The following CRTAC1 variants were observed in gnomAD, a reference collection of about 807,000 sequenced individuals.
The protein encoded by CRTAC1 is cartilage acidic protein 1, also known as acidic secreted protein in cartilage.
In CRTAC1, 37 loss-of-function variants were observed where a neutral mutation model predicts 67.8. That is an observed-to-expected ratio of 0.55 (90% CI 0.42 to 0.72). The LOEUF is 0.72. Among genes scored for constraint, CRTAC1 ranks in the 30% least tolerant of loss-of-function variants. The pLI is 0.00. For synonymous variants in CRTAC1, 348 were observed against 371.0 expected, an observed-to-expected ratio of 0.94 and a Z score of 0.71; for missense variants, 780 against 931.6, an observed-to-expected ratio of 0.84 and a Z score of 2.12.
chr10:97,865,479 G>A lies in CRTAC1; in HGVS notation c.*69C>T. ...AGGCCTTTACATCCCTACTGTCTAG[G>A]CAGCAGCACAAGCCCACTTTCCCAC... On this transcript the variant is annotated 3_prime_UTR_variant, in exon 15 of 15. Coordinates refer to ENST00000370597, the MANE Select transcript of CRTAC1 (RefSeq NM_018058.7). 6.5e-7 allele frequency: 1 copy of A among 1,542,098 alleles called. No individual in the cohort carries two copies. Among genetic ancestry groups the A allele is most frequent in the Non-Finnish European group, 8.8e-7 (1 of 1,136,502 alleles).
rs1461436815 is a variant in CRTAC1 at position 97,885,101 on chromosome 10, G to T, written c.1487-750C>A. Among the ~76,000 whole-genome samples the T allele has an allele frequency of 2.6e-5, 4 of 152,290 alleles. No individual in the cohort carries two copies. In the East Asian group the frequency reaches 7.7e-4, roughly 29 times the overall value. ...TAATGCCAGATATTGACAAAAGTAG[G>T]GCAAGTAGGTAAGGAGGAGCTGGGG... On this transcript the variant is annotated intron_variant, in intron 11 of 14. Transcript: ENST00000370597.
chr10:97,882,820 T>C lies in CRTAC1; in HGVS notation c.1641A>G (p.Gln547=), dbSNP rs925979558. The C allele has an allele frequency of 1.2e-6, 2 of 1,614,234 alleles. No homozygotes were observed. Among genetic ancestry groups the C allele is most frequent in the African/African-American group, 2.7e-5 (2 of 75,070 alleles). The part of the protein sequence containing the change: ...LQDPAPLECG[Q]GFSQQENGHC... ...GGCCATTTTCCTGCTGGGAGAATCCTTGGCCACACTGTAAGGTGGGCAGAA... is the reference window on the plus strand; with the variant it reads ...GGCCATTTTCCTGCTGGGAGAATCCCTGGCCACACTGTAAGGTGGGCAGAA... Residue 547 remains glutamine (Q), a synonymous_variant, in exon 13 of 15, where the codon CAA becomes CAG. Transcript: ENST00000370597.
In CRTAC1 at chr10:97,919,671, C is replaced by T. The variant is rs186654189; in HGVS notation, c.559-2015G>A. Among the ~76,000 whole-genome samples the T allele has an allele frequency of 3.6e-4, 55 of 152,248 alleles. 1 individual carries two copies. The East Asian group carries it at 0.01, about 28-fold the overall frequency. ...TTGAAATATAGACCCTCAGCAACCA[C>T]CCCCTAAGACCTGCTGAATCAGAAT... On this transcript the variant is annotated intron_variant, in intron 4 of 14. Coordinates refer to ENST00000370597, the MANE Select transcript of CRTAC1 (RefSeq NM_018058.7).
intron 2 of CRTAC1, among the ~76,000 whole-genome samples, chr10:97,984,252 C>T (rs1421030598): frequency 6.6e-6 from 1 of 152,220 alleles, no homozygotes; most frequent in Non-Finnish European, 1.5e-5. Context: ...TGGAGTGTGA[C>T]TTCTAGATAA....
Position 97,981,695 on chromosome 10 carries a change from G to C in CRTAC1, c.224+29443C>G, listed in dbSNP as rs547157600. On this transcript the variant is annotated intron_variant, in intron 2 of 14. Coordinates refer to ENST00000370597, the MANE Select transcript of CRTAC1 (RefSeq NM_018058.7). Reference sequence around the variant, plus strand: ...GTCAAAAGGGCTGTGCATTTTTTAGGCTCTTTGTACCTTTTGCAAATTTCT... The same window carrying C: ...GTCAAAAGGGCTGTGCATTTTTTAGCCTCTTTGTACCTTTTGCAAATTTCT... Among the ~76,000 whole-genome samples, 9 of 152,192 alleles carry C rather than the reference G, an allele frequency of 5.9e-5. No homozygotes were observed. In the East Asian group the frequency reaches 1.7e-3, roughly 29 times the overall value.
At chr10:97,885,173 G>C (rs2050264857) in intron 11 of CRTAC1, among the ~76,000 whole-genome samples, 1 of 152,124 alleles carries the variant, frequency 6.6e-6, no homozygotes, top group African/African-American at 2.4e-5. Context: ...AGCCTCTTAG[G>C]GAGGCGGCAT....
At chr10:97,926,947 A>G (rs1032212905) in intron 3 of CRTAC1, among the ~76,000 whole-genome samples, 3 of 152,132 alleles carry the variant, frequency 2.0e-5, no homozygotes, top group African/African-American at 7.2e-5. Flanking sequence ...TCTCTGCCCA[A>G]CCATGGCCCC....
intron 11 of CRTAC1, among the ~76,000 whole-genome samples, chr10:97,891,950 A>C (rs2050380751): frequency 6.6e-6 from 1 of 152,202 alleles, no homozygotes; most frequent in Non-Finnish European, 1.5e-5. Context: ...GCCGCTGGGA[A>C]TGGACCCTGT....
intron 2 of CRTAC1, among the ~76,000 whole-genome samples, chr10:97,950,151 GC>G (rs2051328025): frequency 6.6e-6 from 1 of 151,750 alleles, no homozygotes; most frequent in African/African-American, 2.4e-5. Context: ...ATAAAGTGGG[GC>G]TAACAATATT....
At chr10:97,962,091 T>C (rs12763740) in intron 2 of CRTAC1, among the ~76,000 whole-genome samples, 1 of 152,196 alleles carries the variant, frequency 6.6e-6, no homozygotes, top group African/African-American at 2.4e-5. Context: ...TGTTCTCAGA[T>C]GTGCAGCCTC....
chr10:97,971,936 C>T (rs960842147), intron 2 of CRTAC1, among the ~76,000 whole-genome samples: 3 of 152,102 alleles, frequency 2.0e-5, no homozygotes, highest in Admixed American at 6.5e-5. Flanking sequence ...CTGGACATGG[C>T]GTGTCCAGCG....
At chr10:97,882,919 C>A in intron 12 of CRTAC1, 91 bp from the exon 13 acceptor site, 4 of 1,316,766 alleles carry the variant, frequency 3.0e-6, no homozygotes, top group Non-Finnish European at 3.3e-6. Context: ...TAGTTGTCAC[C>A]CTAACCACAG....
At chr10:98,012,314 C>A in intron 1 of CRTAC1, among the ~76,000 whole-genome samples, 1 of 152,094 alleles carries the variant, frequency 6.6e-6, no homozygotes, top group East Asian at 1.9e-4. Context: ...GATTCCACCC[C>A]CCTTGAGTGA....
chr10:97,881,609 T>C (rs1006344084), intron 13 of CRTAC1, among the ~76,000 whole-genome samples: 1 of 152,144 alleles, frequency 6.6e-6, no homozygotes, highest in African/African-American at 2.4e-5. Flanking sequence ...TGTTGGGCGA[T>C]GAAAAGGAAG....
chr10:97,930,930 A>T (rs973641764), intron 3 of CRTAC1, among the ~76,000 whole-genome samples: 3 of 152,222 alleles, frequency 2.0e-5, no homozygotes, highest in Admixed American at 2.0e-4. Flanking sequence ...GACAAAAAAA[A>T]AAAATGACAA....
intron 5 of CRTAC1, among the ~76,000 whole-genome samples, chr10:97,913,096 G>A (rs530417518): frequency 2.6e-5 from 4 of 151,916 alleles, no homozygotes; most frequent in Non-Finnish European, 5.9e-5. Flanking sequence ...TGCTGGAAAC[G>A]TGGTGCAGGA....
intron 14 of CRTAC1, chr10:97,879,801 G>A: frequency 6.5e-7 from 1 of 1,528,354 alleles, no homozygotes. Context: ...GGCCACTTGA[G>A]CTGCAAAAAC....
chr10:98,025,477 G>A (rs1257707964), intron 1 of CRTAC1, among the ~76,000 whole-genome samples: 2 of 152,102 alleles, frequency 1.3e-5, no homozygotes, highest in Non-Finnish European at 2.9e-5. Context: ...GGGGAAAAAC[G>A]GTCTTCCTCT....
At chr10:97,951,730 A>C (rs2051359009) in intron 2 of CRTAC1, among the ~76,000 whole-genome samples, 4 of 152,246 alleles carry the variant, frequency 2.6e-5, no homozygotes, top group Admixed American at 2.0e-4. Flanking sequence ...TTAGGTAAGC[A>C]GACATTTTAT....
Sources: allele counts gnomAD v4.1 joint callset (sites outside exome capture counted in the v4.1 genomes callset), GRCh38; gene constraint gnomAD v4.1.1; transcripts MANE v1.5; gene names NCBI Gene and HGNC (gene_info 2026-07-23, HGNC 2026-07-21).